BPNT2: variants seen among roughly 807,000 people sequenced by gnomAD.
The protein encoded by BPNT2 is 3'(2'), 5'-bisphosphate nucleotidase 2, also known as Golgi-resident adenosine 3',5'-bisphosphate 3'-phosphatase.
In BPNT2, 11 loss-of-function variants were observed where a neutral mutation model predicts 29.3. That is an observed-to-expected ratio of 0.38 (90% CI 0.24 to 0.62). BPNT2 has a LOEUF of 0.62. Ranked by LOEUF, BPNT2 falls within the 20% of genes least tolerant of loss-of-function variation. BPNT2 has a pLI of 0.62. For missense variants in BPNT2, 459 were observed against 473.4 expected (o/e 0.97, Z 0.28); for synonymous variants, 195 against 187.7 (o/e 1.04, Z -0.32).
At chr8:56,974,188 T>C (rs1806089071) in intron 3 of BPNT2, among the ~76,000 whole-genome samples, 1 of 152,188 alleles carries the variant, frequency 6.6e-6, no homozygotes, top group Admixed American at 6.5e-5. Flanking sequence ...TAATCAGCTA[T>C]TTATGTTGTT....
At position 56,962,912 on chromosome 8, in the gene BPNT2, TTA is replaced by T. The variant is rs1805862198; in HGVS notation, c.*879_*880del. The T allele has an allele frequency of 6.6e-6, 1 of 152,248 alleles. No homozygotes were observed. Among genetic ancestry groups the T allele is most frequent in the Non-Finnish European group, 1.5e-5 (1 of 68,046 alleles). 9.4% of individuals were successfully genotyped at this position (152,248 alleles called of 1,614,324 possible). ...AATTGTAATAGAATCATTTATATTC[TTA>T]TAGTGCCTTACAGCATATTTTATCG... On this transcript the variant is annotated 3_prime_UTR_variant, in exon 5 of 5. Coordinates refer to ENST00000262644, the MANE Select transcript of BPNT2 (RefSeq NM_017813.5).
intron 1 of BPNT2, 77 bp from the exon 2 acceptor site, chr8:56,980,274 A>G: frequency 8.9e-7 from 1 of 1,125,744 alleles, no homozygotes; most frequent in Non-Finnish European, 1.3e-6. Flanking sequence ...AGTATTTCAG[A>G]CAACAATCAC....
chr8:56,989,101 G>A (rs1351173664), intron 1 of BPNT2, among the ~76,000 whole-genome samples: 1 of 152,088 alleles, frequency 6.6e-6, no homozygotes, highest in Non-Finnish European at 1.5e-5. Flanking sequence ...TGTTACATCT[G>A]CTATACCGCC....
At position 56,958,991 on chromosome 8, in the gene BPNT2, A is replaced by G. The variant is rs1400202467; in HGVS notation, c.*4802T>C. ...ACTATGCCTTATTTCCTATTTTTAA[A>G]AACACAGAATGAGCAAGTCATTCCT... On this transcript the variant is annotated 3_prime_UTR_variant, in exon 5 of 5. Transcript: ENST00000262644. 6.6e-6 allele frequency: 1 copy of G among 152,228 alleles called. No individual in the cohort carries two copies. The highest frequency in any genetic ancestry group is 1.9e-4 in the East Asian group (1 of 5,200). The allele number at this position is 152,228 out of a possible 1,614,324, so 9.4% of individuals were successfully genotyped here. A position where few individuals can be genotyped will look rare whatever the true frequency, so the allele number is the denominator to read the frequency against.
At chr8:56,986,571 T>C (rs752217850) in intron 1 of BPNT2, among the ~76,000 whole-genome samples, 5 of 152,194 alleles carry the variant, frequency 3.3e-5, no homozygotes, top group South Asian at 2.1e-4. Flanking sequence ...CCATTGTGAA[T>C]TGAGAAGCAT....
At chr8:56,966,528 T>C (rs1212788473) in intron 3 of BPNT2, among the ~76,000 whole-genome samples, 176 bp from the exon 4 acceptor site, 2 of 152,182 alleles carry the variant, frequency 1.3e-5, no homozygotes, top group Non-Finnish European at 1.5e-5. Context: ...GTAGTATATA[T>C]GTATTTGTAA....
rs1030083794 is a variant in BPNT2, at chr8:56,963,841, C to T, written c.1032G>A (p.Gln344=). The T allele has an allele frequency of 6.8e-6, 11 of 1,614,036 alleles. No homozygotes were observed. Among genetic ancestry groups the T allele is most frequent in the Non-Finnish European group, 9.3e-6 (11 of 1,180,036 alleles). The change falls in exon 5 of 5, where the codon CAG becomes CAA. Residue 344 remains glutamine, a synonymous_variant. Transcript: ENST00000262644. Reference sequence around the variant, plus strand: ...GATCTGGGAGTTTTCTGACCAGGGCCTGGTGGTTCATTCTGATGCTAGCAA... The same window carrying T: ...GATCTGGGAGTTTTCTGACCAGGGCTTGGTGGTTCATTCTGATGCTAGCAA... ...GLLASIRMNH[Q]ALVRKLPDLE...
At chr8:56,979,972 C>T in intron 2 of BPNT2, 63 bp downstream of exon 2, 2 of 1,501,668 alleles carry the variant, frequency 1.3e-6, no homozygotes, top group East Asian at 2.3e-5. Flanking sequence ...GGAAGTATGC[C>T]TTGGTTCTGG....
At chr8:56,991,099 T>A (rs1487927882) in intron 1 of BPNT2, among the ~76,000 whole-genome samples, 1 of 152,142 alleles carries the variant, frequency 6.6e-6, no homozygotes, top group Non-Finnish European at 1.5e-5. Flanking sequence ...AAAGACTCCT[T>A]TTAGGTTGAT....
In BPNT2 at chr8:56,961,027, A is replaced by G. The variant is rs1805824072; in HGVS notation, c.*2766T>C. 1 of 152,212 alleles carries G rather than the reference A, an allele frequency of 6.6e-6. No homozygotes were observed. 9.4% of individuals were successfully genotyped at this position (152,212 alleles called of 1,614,324 possible). ...AAAAGCAGAGATAAAGGAGAACATG[A>G]ACCGGTAAGGGAAATGGTCACAAGG... On this transcript the variant is annotated 3_prime_UTR_variant, in exon 5 of 5. Transcript: ENST00000262644.
Position 56,993,716 on chromosome 8 carries a change from G to C in BPNT2, c.-131C>G, listed in dbSNP as rs568839316. On this transcript the variant is annotated 5_prime_UTR_variant, in exon 1 of 5. Transcript: ENST00000262644. ...ACACTGGCGCCCGCTCCCCGGCCCC[G>C]GTGCGCCCCATCACTCCCTCCCAGG... The C allele has an allele frequency of 1.0e-5, 10 of 995,120 alleles. No individual in the cohort carries two copies. Among genetic ancestry groups the C allele is most frequent in the Admixed American group, 5.8e-5 (1 of 17,120 alleles). 61.6% of individuals were successfully genotyped at this position (995,120 alleles called of 1,614,324 possible). A position where few individuals can be genotyped will look rare whatever the true frequency, so the allele number is the denominator to read the frequency against.
intron 1 of BPNT2, among the ~76,000 whole-genome samples, chr8:56,985,226 G>A (rs1184846692): frequency 1.3e-5 from 2 of 151,990 alleles, no homozygotes; most frequent in African/African-American, 4.8e-5. Flanking sequence ...CTTCATTACT[G>A]TAGCTCCATC....
At position 56,968,851 on chromosome 8, in the gene BPNT2, T is replaced by C. The variant is rs528171256; in HGVS notation, c.647-2499A>G. On this transcript the variant is annotated intron_variant, in intron 3 of 4. Coordinates refer to ENST00000262644, the MANE Select transcript of BPNT2 (RefSeq NM_017813.5). ...TCATGTCCACTTGGAACCTTCAGAT[T>C]GTGAACTCATTTGGAAGCAGGATCT... Among the ~76,000 whole-genome samples, 15 of 152,344 alleles carry C rather than the reference T, an allele frequency of 9.8e-5. No homozygotes were observed. The East Asian group carries it at 2.5e-3, about 25-fold the overall frequency.
chr8:56,978,082 C>T lies in BPNT2; in HGVS notation c.614G>A (p.Gly205Glu), dbSNP rs139335977. ...CVAVNGKPML[G>E]VIHKPFSEYT... ...TTCGGAAAATGGCTTATGTATAACTCCTAGCATGGGTTTACCATTTACAGC... is the reference window on the plus strand; with the variant it reads ...TTCGGAAAATGGCTTATGTATAACTTCTAGCATGGGTTTACCATTTACAGC... Residue 205 changes from glycine (G) to glutamate (E), a missense_variant, in exon 3 of 5, where the codon GGA becomes GAA. Transcript: ENST00000262644. 6.2e-7 allele frequency: 1 copy of T among 1,610,838 alleles called. No individual in the cohort carries two copies. Among genetic ancestry groups the T allele is most frequent in the Non-Finnish European group, 8.5e-7 (1 of 1,177,558 alleles).
chr8:56,986,382 A>T (rs1430726195), intron 1 of BPNT2, among the ~76,000 whole-genome samples: 1 of 152,238 alleles, frequency 6.6e-6, no homozygotes, highest in Admixed American at 6.5e-5. Context: ...ATGAGGCAGC[A>T]TTAGATGAGA....
chr8:56,971,780 C>A (rs1306033595), intron 3 of BPNT2, among the ~76,000 whole-genome samples: 1 of 26,152 alleles, frequency 3.8e-5, no homozygotes, highest in East Asian at 8.8e-4. Flanking sequence ...TAATTTTGTA[C>A]CACCCCCCCC....
At chr8:56,976,578 T>C (rs1173717363) in intron 3 of BPNT2, among the ~76,000 whole-genome samples, 3 of 152,062 alleles carry the variant, frequency 2.0e-5, no homozygotes, top group Admixed American at 6.6e-5. Flanking sequence ...AGAAAAAAGG[T>C]CAGATAGCAC....
chr8:56,992,957 C>T (rs1806442571), intron 1 of BPNT2, among the ~76,000 whole-genome samples: 1 of 152,180 alleles, frequency 6.6e-6, no homozygotes, highest in South Asian at 2.1e-4. Context: ...CTTCTGATCC[C>T]AGGTACACAC....
In BPNT2 at chr8:56,961,440, AT is replaced by A. The variant is rs1805831558; in HGVS notation, c.*2352del. ...CTTTTTATAAAAGTACTTAAAAAAA[AT>A]CATTAGTAACTAGACTATACCCAAC... On this transcript the variant is annotated 3_prime_UTR_variant, in exon 5 of 5. Coordinates refer to ENST00000262644, the MANE Select transcript of BPNT2 (RefSeq NM_017813.5). 5 of 152,210 alleles carry A rather than the reference AT, an allele frequency of 3.3e-5. No homozygotes were observed. The highest frequency in any genetic ancestry group is 2.0e-4 in the Admixed American group (3 of 15,278). 9.4% of individuals were successfully genotyped at this position (152,210 alleles called of 1,614,324 possible). A position where few individuals can be genotyped will look rare whatever the true frequency, so the allele number is the denominator to read the frequency against.
Sources: gnomAD v4.1 joint callset for allele counts (sites outside exome capture counted in the v4.1 genomes callset) on GRCh38, gnomAD v4.1.1 for gene constraint, MANE v1.5 for transcripts, NCBI Gene and HGNC (gene_info 2026-07-23, HGNC 2026-07-21) for gene names.